Variants in SLC35D2 observed in about 807,000 individuals in gnomAD.
The protein encoded by SLC35D2 is nucleotide sugar transporter SLC35D2.
In SLC35D2, 43 loss-of-function variants were observed where a neutral mutation model predicts 41.8. The ratio of observed to expected loss-of-function variants is 1.03; its 90% CI spans 0.81 to 1.33. The LOEUF is 1.33. SLC35D2 is among the 40% of genes most tolerant of loss of function. The pLI is 0.00. For synonymous variants in SLC35D2, 150 were observed against 163.9 expected, an observed-to-expected ratio of 0.92 and a Z score of 0.65; for missense variants, 380 against 408.4, an observed-to-expected ratio of 0.93 and a Z score of 0.60.
intron 9 of SLC35D2, among the ~76,000 whole-genome samples, chr9:96,330,907 T>C (rs539475686): frequency 1.4e-5 from 2 of 147,418 alleles, no homozygotes; most frequent in Non-Finnish European, 3.0e-5. Context: ...ACCCTGATTT[T>C]ATTTATTTAT....
chr9:96,315,179 G>T (rs1828020696), intron 11 of SLC35D2, among the ~76,000 whole-genome samples: 1 of 152,050 alleles, frequency 6.6e-6, no homozygotes, highest in African/African-American at 2.4e-5. Context: ...AAGTGCAGTG[G>T]TGCAATCATG....
At position 96,374,755 on chromosome 9, in the gene SLC35D2, G is replaced by A. The variant is rs550823268; in HGVS notation, c.159-6450C>T. Among the ~76,000 whole-genome samples the A allele has an allele frequency of 7.5e-5, 11 of 146,566 alleles. 1 individual carries two copies. The highest frequency in any genetic ancestry group is 5.5e-4 in the Admixed American group (8 of 14,640). On this transcript the variant is annotated intron_variant, in intron 1 of 11. Coordinates refer to ENST00000253270, the MANE Select transcript of SLC35D2 (RefSeq NM_007001.3). ...CGGGAGGCTGAGGCAGGAGAATGGC[G>A]TGAACCCGGAAGGCAGAGCTTACAG...
chr9:96,381,348 C>T (rs186853351), intron 1 of SLC35D2, among the ~76,000 whole-genome samples: 3 of 152,350 alleles, frequency 2.0e-5, no homozygotes, highest in Non-Finnish European at 2.9e-5. Context: ...AGAGCCCTGG[C>T]GGTGGCCTCC....
chr9:96,373,864 G>C (rs1830819846), intron 1 of SLC35D2: 1 of 152,046 alleles, frequency 6.6e-6, no homozygotes, highest in African/African-American at 2.4e-5. Flanking sequence ...TTATAGATTT[G>C]GTAGTAGATT....
intron 1 of SLC35D2, among the ~76,000 whole-genome samples, chr9:96,382,099 A>C (rs1407784144): frequency 1.3e-5 from 2 of 152,208 alleles, no homozygotes; most frequent in Non-Finnish European, 2.9e-5. Context: ...CAATGGGCTC[A>C]GTATTTAGTA....
chr9:96,341,946 A>AT (rs1829342617), intron 8 of SLC35D2, among the ~76,000 whole-genome samples: 1 of 147,092 alleles, frequency 6.8e-6, no homozygotes, highest in African/African-American at 2.7e-5. Flanking sequence ...TGGAAAAAAA[A>AT]AATATATATA....
intron 9 of SLC35D2, among the ~76,000 whole-genome samples, chr9:96,335,975 G>T (rs1393850206): frequency 6.6e-6 from 1 of 151,514 alleles, no homozygotes; most frequent in African/African-American, 2.4e-5. Context: ...GCTTGAACCT[G>T]GGAGGCAGAG....
chr9:96,323,013 C>T lies in SLC35D2; in HGVS notation c.832-933G>A, dbSNP rs1828326060. On this transcript the variant is annotated intron_variant, in intron 10 of 11. Transcript: ENST00000253270. ...GGATTACAGGCATAAGCCACTGTGC[C>T]TGGTTTTTCTTTTTTTTTTTTTTTT... Among the ~76,000 whole-genome samples the T allele has an allele frequency of 1.3e-5, 2 of 149,226 alleles. 1 individual carries two copies. The highest frequency in any genetic ancestry group is 4.3e-4 in the South Asian group (2 of 4,662).
At chr9:96,347,689 A>G (rs1464955080) in intron 6 of SLC35D2, among the ~76,000 whole-genome samples, 22 of 152,120 alleles carry the variant, frequency 1.4e-4, no homozygotes, top group Non-Finnish European at 1.5e-5. Flanking sequence ...TCCATCTTAA[A>G]TAGGAGCTGG....
intron 1 of SLC35D2, among the ~76,000 whole-genome samples, chr9:96,375,644 T>C (rs897552884): frequency 6.6e-5 from 10 of 152,170 alleles, no homozygotes; most frequent in African/African-American, 1.2e-4. Context: ...CTCATTTCTG[T>C]ATCCCCAATG....
chr9:96,351,334 C>CA (rs1402466055), intron 5 of SLC35D2, among the ~76,000 whole-genome samples, 163 bp from the exon 6 acceptor site: 9 of 152,086 alleles, frequency 5.9e-5, no homozygotes, highest in Non-Finnish European at 1.3e-4. Flanking sequence ...GTTTCTAAGT[C>CA]AGACTAAATT....
downstream of SLC35D2, among the ~76,000 whole-genome samples, chr9:96,317,912 G>A (rs535138169): frequency 9.1e-4 from 131 of 143,726 alleles, 2 homozygotes; most frequent in Admixed American, 8.9e-3. Flanking sequence ...GTACGCCTAT[G>A]ATCCCAGCTA....
rs112976894 is a variant in SLC35D2, at chr9:96,356,656, C to T, written c.347+3498G>A. The stretch of plus-strand genomic sequence containing the variant: ...GGCTGAGGCAGGTGGATCCCGTGGG[C>T]CCAGGAGTTCGAGACCAGCCTGGGC... On this transcript the variant is annotated intron_variant, in intron 4 of 11. Coordinates refer to ENST00000253270, the MANE Select transcript of SLC35D2 (RefSeq NM_007001.3). Among the ~76,000 whole-genome samples, 370 of 151,766 alleles carry T rather than the reference C, an allele frequency of 2.4e-3. 1 individual carries two copies. Among genetic ancestry groups the T allele is most frequent in the African/African-American group, 8.3e-3 (345 of 41,374 alleles).
intron 1 of SLC35D2, among the ~76,000 whole-genome samples, chr9:96,372,279 T>C (rs1467066106): frequency 1.3e-5 from 2 of 152,168 alleles, no homozygotes; most frequent in Admixed American, 6.5e-5. Flanking sequence ...CAATCCAAAA[T>C]ATGGGACATT....
chr9:96,360,360 G>A (rs1830211806), intron 3 of SLC35D2, 139 bp from the exon 4 acceptor site: 1 of 690,538 alleles, frequency 1.4e-6, no homozygotes, highest in Non-Finnish European at 2.4e-6. Flanking sequence ...GCGGGGCGCA[G>A]TGGCTCACGC....
chr9:96,374,662 A>G (rs573244428), intron 1 of SLC35D2, among the ~76,000 whole-genome samples: 1 of 150,320 alleles, frequency 6.7e-6, no homozygotes, highest in Admixed American at 6.7e-5. Context: ...GTGAAACCCC[A>G]TCTCTACTAA....
chr9:96,357,448 T>A (rs1587698305), intron 4 of SLC35D2: 2 of 151,992 alleles, frequency 1.3e-5, no homozygotes, highest in Non-Finnish European at 2.9e-5. Context: ...AGGTGGAGAA[T>A]CATTTGAGCC....
intron 8 of SLC35D2, among the ~76,000 whole-genome samples, chr9:96,337,145 T>C (rs1261209556): frequency 6.6e-6 from 1 of 152,224 alleles, no homozygotes; most frequent in Non-Finnish European, 1.5e-5. Context: ...CTAATTTAAT[T>C]TGTGGTCCCA....
chr9:96,323,427 G>A (rs1274428902), intron 10 of SLC35D2, among the ~76,000 whole-genome samples: 2 of 152,092 alleles, frequency 1.3e-5, no homozygotes, highest in African/African-American at 2.4e-5. Context: ...CCACTTCTCA[G>A]TGGGCAGGTT....
Sources: allele counts gnomAD v4.1 joint callset (sites outside exome capture counted in the v4.1 genomes callset), GRCh38; gene constraint gnomAD v4.1.1; transcripts MANE v1.5; gene names NCBI Gene and HGNC (gene_info 2026-07-23, HGNC 2026-07-21).